Variants in GNG4 observed in about 807,000 individuals in gnomAD.
GNG4 encodes the protein G protein subunit gamma 4.
In GNG4, 4 loss-of-function variants were observed where a neutral mutation model predicts 5.8. That is an observed-to-expected ratio of 0.69 (90% CI 0.34 to 1.57). The LOEUF is 1.57. Among genes scored for constraint, GNG4 ranks in the 40% most tolerant of loss-of-function variants. The probability of loss-of-function intolerance (pLI) is 0.06; values close to 1 mark genes in which losing one functional copy is unlikely to be tolerated. For missense variants in GNG4, 96 were observed against 95.1 expected (o/e 1.01, Z -0.04); for synonymous variants, 29 against 32.9 (o/e 0.88, Z 0.41).
intron 2 of GNG4, among the ~76,000 whole-genome samples, chr1:235,593,538 T>C (rs1414657092): frequency 6.6e-6 from 1 of 152,200 alleles, no homozygotes; most frequent in African/African-American, 2.4e-5. Flanking sequence ...AATTGGTGGG[T>C]TCTTGGTCTC....
intron 1 of GNG4, among the ~76,000 whole-genome samples, chr1:235,597,628 G>GTGTGTT (rs772061855): frequency 4.1e-5 from 3 of 72,444 alleles, no homozygotes; most frequent in Admixed American, 1.3e-4. Flanking sequence ...GTGTGTGTGT[G>GTGTGTT]TATTTTTTTT....
intron 1 of GNG4, among the ~76,000 whole-genome samples, chr1:235,630,692 C>T (rs938192010): frequency 1.3e-5 from 2 of 152,132 alleles, no homozygotes; most frequent in African/African-American, 4.8e-5. Flanking sequence ...AGACGCATGG[C>T]CTGTAGACTT....
Position 235,641,502 on chromosome 1 carries a change from C to T in GNG4, c.-123+8160G>A, listed in dbSNP as rs1657327984. On this transcript the variant is annotated intron_variant, in intron 1 of 3. Coordinates refer to ENST00000391854, the MANE Select transcript of GNG4 (RefSeq NM_001098722.2). Reference sequence around the variant, plus strand: ...GGTCAGGAGTTCTAGACCAGCCTGGCCAACATGGTGAAACCCTGTCTCTAC... The same window carrying T: ...GGTCAGGAGTTCTAGACCAGCCTGGTCAACATGGTGAAACCCTGTCTCTAC... Among the ~76,000 whole-genome samples the T allele has an allele frequency of 2.6e-5, 4 of 152,216 alleles. No homozygotes were observed. The South Asian group carries it at 8.3e-4, about 32-fold the overall frequency.
In GNG4 at chr1:235,607,892, A is replaced by G. The variant is rs546304416; in HGVS notation, c.-122-12381T>C. Among the ~76,000 whole-genome samples, 9 of 150,756 alleles carry G rather than the reference A, an allele frequency of 6.0e-5. No homozygotes were observed. In the South Asian group the frequency reaches 1.9e-3, roughly 32 times the overall value. ...ACTTTGAGGCTGTCCAAGAAAGATG[A>G]GGTGACTCCATCCTCTGGGACCAGC... is the stretch of plus-strand genomic sequence containing the variant. On this transcript the variant is annotated intron_variant, in intron 1 of 3. Transcript: ENST00000391854.
intron 1 of GNG4, among the ~76,000 whole-genome samples, chr1:235,614,376 C>T (rs1688543768): frequency 6.6e-6 from 1 of 151,576 alleles, no homozygotes. Flanking sequence ...TTTTTTCTGT[C>T]CTCAATTTTA....
intron 2 of GNG4, among the ~76,000 whole-genome samples, chr1:235,593,698 G>T (rs1339128179): frequency 1.3e-5 from 2 of 152,144 alleles, no homozygotes; most frequent in African/African-American, 2.4e-5. Context: ...CGCTGGCTCA[G>T]GAGTGAAGCT....
chr1:235,626,948 G>C (rs1267211452), intron 1 of GNG4, among the ~76,000 whole-genome samples: 1 of 107,610 alleles, frequency 9.3e-6, no homozygotes, highest in South Asian at 3.6e-4. Flanking sequence ...GACAGAGTGA[G>C]ACTCTATCTC....
rs1165424131 is a variant in GNG4, at chr1:235,550,604, C to T, written c.*1505G>A. On this transcript the variant is annotated 3_prime_UTR_variant, in exon 4 of 4. Coordinates refer to ENST00000391854, the MANE Select transcript of GNG4 (RefSeq NM_001098722.2). ...ATCACTCGAGGCCAGTAGTTGGAGACCAGCCTGGCCGACATGGTGAAACCC... is the reference window on the plus strand; with the variant it reads ...ATCACTCGAGGCCAGTAGTTGGAGATCAGCCTGGCCGACATGGTGAAACCC... 1 of 152,164 alleles carries T rather than the reference C, an allele frequency of 6.6e-6. No homozygotes were observed. Among genetic ancestry groups the T allele is most frequent in the African/African-American group, 2.4e-5 (1 of 41,426 alleles). The allele number at this position is 152,164 out of a possible 1,614,324, so 9.4% of individuals were successfully genotyped here.
chr1:235,594,714 C>T (rs112177153), intron 2 of GNG4, among the ~76,000 whole-genome samples: 2 of 152,216 alleles, frequency 1.3e-5, no homozygotes, highest in Non-Finnish European at 2.9e-5. Context: ...CCAGAACTCA[C>T]GCTGGTCCGC....
At chr1:235,588,583 C>T (rs757362374) in intron 2 of GNG4, among the ~76,000 whole-genome samples, 33 of 152,120 alleles carry the variant, frequency 2.2e-4, no homozygotes, top group South Asian at 1.5e-3. Flanking sequence ...GGCTGCTCAG[C>T]GCTGCTGGAG....
At chr1:235,576,251 G>A (rs1360901906) in intron 3 of GNG4, among the ~76,000 whole-genome samples, 2 of 151,662 alleles carry the variant, frequency 1.3e-5, no homozygotes, top group Non-Finnish European at 2.9e-5. Flanking sequence ...TTTTAGTAGG[G>A]AGGGGTTTCA....
rs146497304 is a variant in GNG4, at chr1:235,590,472, G to C, written c.-11+4928C>G. 5.4e-3 allele frequency among the ~76,000 whole-genome samples: 823 copies of C among 152,148 alleles called. 8 individuals are homozygous for C. The highest frequency in any genetic ancestry group is 0.019 in the African/African-American group (778 of 41,518). On this transcript the variant is annotated intron_variant, in intron 2 of 3. Coordinates refer to ENST00000391854, the MANE Select transcript of GNG4 (RefSeq NM_001098722.2). ...TGTCTGGAAAAAAAAAGAAGGTGGA[G>C]AGGTAACCACAGATTCCCCTGAGAG...
At chr1:235,592,969 ATGGAGTCTTGCTCTTTTACCCAGGCT>A (rs1688014738) in intron 2 of GNG4, among the ~76,000 whole-genome samples, 1 of 137,364 alleles carries the variant, frequency 7.3e-6, no homozygotes, top group African/African-American at 2.7e-5. Flanking sequence ...TTTTTTTGAG[ATGGAGTCTTGCTCTTTTACCCAGGCT>A]TGGAGTGCAG....
intron 2 of GNG4, among the ~76,000 whole-genome samples, chr1:235,587,688 A>ACT (rs1244230518): frequency 1.7e-4 from 3 of 17,272 alleles, no homozygotes; most frequent in African/African-American, 5.9e-4. Flanking sequence ...TATGTGTGCG[A>ACT]GTGTTGGGTG....
At chr1:235,590,545 C>T (rs1351801766) in intron 2 of GNG4, among the ~76,000 whole-genome samples, 2 of 152,160 alleles carry the variant, frequency 1.3e-5, no homozygotes, top group African/African-American at 2.4e-5. Flanking sequence ...GATGAAAAGC[C>T]GTCTTTCGGG....
At chr1:235,608,707 G>A (rs548470841) in intron 1 of GNG4, among the ~76,000 whole-genome samples, 129 of 145,816 alleles carry the variant, frequency 8.8e-4, no homozygotes, top group East Asian at 1.6e-3. Flanking sequence ...TTTTTGAGAC[G>A]GAGTCTCACT....
At chr1:235,596,901 T>G (rs1470251611) in intron 1 of GNG4, among the ~76,000 whole-genome samples, 1 of 152,032 alleles carries the variant, frequency 6.6e-6, no homozygotes, top group Non-Finnish European at 1.5e-5. Flanking sequence ...TTTTACTTTT[T>G]TTTTTTTTAT....
intron 1 of GNG4, among the ~76,000 whole-genome samples, chr1:235,645,797 C>CAAAAA (rs6143682): frequency 3.3e-5 from 3 of 90,370 alleles, no homozygotes; most frequent in Admixed American, 1.4e-4. Flanking sequence ...AACTCAGTCT[C>CAAAAA]AAAAAAAAAA....
At chr1:235,632,019 G>A (rs1168767211) in intron 1 of GNG4, among the ~76,000 whole-genome samples, 1 of 152,240 alleles carries the variant, frequency 6.6e-6, no homozygotes, top group Non-Finnish European at 1.5e-5. Flanking sequence ...AGGGCTGTGT[G>A]CGGAGGCTTG....
Sources: gnomAD v4.1 joint callset for allele counts (sites outside exome capture counted in the v4.1 genomes callset) on GRCh38, gnomAD v4.1.1 for gene constraint, MANE v1.5 for transcripts, NCBI Gene and HGNC (gene_info 2026-07-23, HGNC 2026-07-21) for gene names.